Variants in KIF3B observed in about 807,000 individuals in gnomAD.
KIF3B encodes kinesin-like protein KIF3B.
KIF3B carries 38 observed loss-of-function variants against 74.3 expected under a neutral mutation model. The ratio of observed to expected loss-of-function variants is 0.51; its 90% CI spans 0.39 to 0.67. The LOEUF (loss-of-function observed/expected upper bound fraction) is 0.67, where lower values mean the gene tolerates loss of function less well. Among genes scored for constraint, KIF3B ranks in the 30% least tolerant of loss-of-function variants. The probability of loss-of-function intolerance (pLI) is 0.00; values close to 1 mark genes in which losing one functional copy is unlikely to be tolerated. For missense variants in KIF3B, 649 were observed against 932.0 expected (o/e 0.70, Z 3.95); for synonymous variants, 326 against 342.5 (o/e 0.95, Z 0.53).
At chr20:32,312,857 A>T (rs1392770780) in intron 2 of KIF3B, among the ~76,000 whole-genome samples, 1 of 152,182 alleles carries the variant, frequency 6.6e-6, no homozygotes, top group Non-Finnish European at 1.5e-5. Flanking sequence ...TGTTTTCTAA[A>T]GTGGTTGTGC....
At position 32,326,771 on chromosome 20, in the gene KIF3B, G is replaced by A. The variant is rs369317325; in HGVS notation, c.1749G>A (p.Lys583=). 11 of 1,182,244 alleles carry A rather than the reference G, an allele frequency of 9.3e-6. No homozygotes were observed. Among genetic ancestry groups the A allele is most frequent in the Non-Finnish European group, 1.3e-5 (10 of 799,166 alleles). The allele number at this position is 1,182,244 out of a possible 1,614,324, so 73.2% of individuals were successfully genotyped here. A position where few individuals can be genotyped will look rare whatever the true frequency, so the allele number is the denominator to read the frequency against. The part of the protein sequence containing the change: ...QNELTRELKL[K]HLIIENFIPL... ...TCACCTGTTATGTGTGCTCTTACAG[G>A]CATCTTATTATAGAAAACTTTATCC... Residue 583 remains lysine, a splice_region_variant and synonymous_variant, in exon 6 of 9, where the codon AAG becomes AAA. Transcript: ENST00000375712.
intron 5 of KIF3B, among the ~76,000 whole-genome samples, chr20:32,318,385 A>G (rs1183414496): frequency 6.6e-6 from 1 of 152,178 alleles, no homozygotes; most frequent in Admixed American, 6.5e-5. Context: ...CTATAAAACC[A>G]CCACTACAAT....
intron 1 of KIF3B, among the ~76,000 whole-genome samples, chr20:32,309,239 C>G (rs958548737): frequency 6.8e-6 from 1 of 147,636 alleles, no homozygotes; most frequent in African/African-American, 2.5e-5. Context: ...CCCTATGTTG[C>G]CCAGGCTGAT....
At chr20:32,322,568 A>C (rs182010097) in intron 5 of KIF3B, among the ~76,000 whole-genome samples, 4 of 141,068 alleles carry the variant, frequency 2.8e-5, no homozygotes, top group African/African-American at 1.1e-4. Context: ...AGATTGCGCC[A>C]TTGCACTCCA....
intron 1 of KIF3B, among the ~76,000 whole-genome samples, chr20:32,305,199 A>T (rs896820872): frequency 6.6e-6 from 1 of 151,902 alleles, no homozygotes; most frequent in Non-Finnish European, 1.5e-5. Context: ...ACATGTTTTT[A>T]AAAATCCCTG....
intron 1 of KIF3B, among the ~76,000 whole-genome samples, chr20:32,301,700 G>T (rs1443076507): frequency 6.6e-6 from 1 of 152,058 alleles, no homozygotes; most frequent in Non-Finnish European, 1.5e-5. Context: ...ATACCAGGTG[G>T]GCCAAATGAA....
Position 32,333,138 on chromosome 20 carries a change from C to T in KIF3B, c.*1819C>T, listed in dbSNP as rs546788486. 19 of 152,274 alleles carry T rather than the reference C, an allele frequency of 1.2e-4. No homozygotes were observed. The East Asian group carries it at 3.7e-3, about 29-fold the overall frequency. The allele number at this position is 152,274 out of a possible 1,614,324, so 9.4% of individuals were successfully genotyped here. A position where few individuals can be genotyped will look rare whatever the true frequency, so the allele number is the denominator to read the frequency against. ...GAACCCAGGGCCCTTTTCAGCCTTC[C>T]CTCATATTTTCTTGAGATCAAACTT... On this transcript the variant is annotated 3_prime_UTR_variant, in exon 9 of 9. Coordinates refer to ENST00000375712, the MANE Select transcript of KIF3B (RefSeq NM_004798.4).
intron 1 of KIF3B, among the ~76,000 whole-genome samples, chr20:32,287,870 A>ATTT (rs2047674230): frequency 2.2e-5 from 2 of 89,164 alleles, no homozygotes; most frequent in African/African-American, 1.0e-4. Context: ...CTCTAAAAGT[A>ATTT]TCTTTTTTTT....
chr20:32,297,099 C>T (rs2047720681), intron 1 of KIF3B, among the ~76,000 whole-genome samples: 2 of 148,738 alleles, frequency 1.3e-5, no homozygotes, highest in South Asian at 4.8e-4. Context: ...GTCGCTTTTA[C>T]TTCTTGCTCG....
Position 32,330,665 on chromosome 20 carries a change from A to G in KIF3B, c.2147+346A>G, listed in dbSNP as rs920160195. Among the ~76,000 whole-genome samples, 3 of 152,254 alleles carry G rather than the reference A, an allele frequency of 2.0e-5. No individual in the cohort carries two copies. The South Asian group carries it at 6.2e-4, about 31-fold the overall frequency. On this transcript the variant is annotated intron_variant, in intron 8 of 8. Coordinates refer to ENST00000375712, the MANE Select transcript of KIF3B (RefSeq NM_004798.4). ...TGTAAAAACTTAGAAGGCAAATATT[A>G]TAATCAGTCCCATTTTATAGACAAG...
At chr20:32,322,959 T>TAC (rs1261004132) in intron 5 of KIF3B, among the ~76,000 whole-genome samples, 985 of 6,320 alleles carry the variant, frequency 0.16, 161 homozygotes, top group Non-Finnish European at 0.18. Context: ...TTTATATATA[T>TAC]ACATATTTAT....
rs770594947 is a variant in KIF3B, at chr20:32,310,973, A to G, written c.1196A>G (p.Glu399Gly). 1 of 1,608,040 alleles carries G rather than the reference A, an allele frequency of 6.2e-7. No individual in the cohort carries two copies. The highest frequency in any genetic ancestry group is 8.5e-7 in the Non-Finnish European group (1 of 1,175,468). ...SGGGGEEEEE[E>G]GEEGEEEGDD... ...GGGGGTGGGGAAGAGGAGGAGGAGGAGGGAGAAGAGGGTGAGGAGGAAGGG... is the reference window on the plus strand; with the variant it reads ...GGGGGTGGGGAAGAGGAGGAGGAGGGGGGAGAAGAGGGTGAGGAGGAAGGG... The change falls in exon 2 of 9, where the codon GAG becomes GGG. Residue 399 changes from glutamate to glycine, a missense_variant. Physicochemically the swap from Glu to Gly is moderately conservative, Grantham distance 98 (BLOSUM62 -2). Coordinates refer to ENST00000375712, the MANE Select transcript of KIF3B (RefSeq NM_004798.4). The surrounding 1 kb of genome is among the most constrained non-coding windows in gnomAD (Gnocchi z 6.5).
At chr20:32,289,909 CCTGT>C (rs2047683547) in intron 1 of KIF3B, among the ~76,000 whole-genome samples, 1 of 152,060 alleles carries the variant, frequency 6.6e-6, no homozygotes, top group African/African-American at 2.4e-5. Flanking sequence ...ATGTTACTTC[CCTGT>C]CTAAGTCTCT....
At chr20:32,279,175 G>A (rs1377060153) in intron 1 of KIF3B, among the ~76,000 whole-genome samples, 1 of 151,752 alleles carries the variant, frequency 6.6e-6, no homozygotes, top group African/African-American at 2.4e-5. Context: ...TACCTGCCTC[G>A]GCCTCCCAAA....
chr20:32,327,180 G>T (rs1331210171), intron 6 of KIF3B, among the ~76,000 whole-genome samples: 2 of 152,072 alleles, frequency 1.3e-5, no homozygotes, highest in Non-Finnish European at 2.9e-5. Flanking sequence ...GCTAGGTCAC[G>T]TAAGGGGCAA....
intron 1 of KIF3B, among the ~76,000 whole-genome samples, chr20:32,280,904 G>A (rs1600413252): frequency 6.6e-6 from 1 of 152,046 alleles, no homozygotes; most frequent in Middle Eastern, 3.2e-3. Context: ...GCAAATTACT[G>A]CATTTGACAT....
chr20:32,318,702 G>A (rs371879460), intron 5 of KIF3B, among the ~76,000 whole-genome samples: 1 of 152,036 alleles, frequency 6.6e-6, no homozygotes, highest in Non-Finnish European at 1.5e-5. Flanking sequence ...TGTATGAATA[G>A]GACACATATT....
chr20:32,328,178 C>G (rs2047913289), intron 7 of KIF3B, among the ~76,000 whole-genome samples: 1 of 151,678 alleles, frequency 6.6e-6, no homozygotes, highest in Admixed American at 6.6e-5. Flanking sequence ...AATCCCAGCA[C>G]TTTGGGAGGC....
intron 1 of KIF3B, among the ~76,000 whole-genome samples, chr20:32,294,848 T>TA (rs1199358771): frequency 6.6e-6 from 1 of 152,240 alleles, no homozygotes; most frequent in Non-Finnish European, 1.5e-5. Context: ...TGTATCATAG[T>TA]AATTCTGTTT....
Sources: allele counts gnomAD v4.1 joint callset (sites outside exome capture counted in the v4.1 genomes callset), GRCh38; gene constraint gnomAD v4.1.1; non-coding constraint Gnocchi (gnomAD v3.1); transcripts MANE v1.5; gene names NCBI Gene and HGNC (gene_info 2026-07-23, HGNC 2026-07-21).